SLC16A12: variants seen among roughly 807,000 people sequenced by gnomAD.
SLC16A12 encodes the protein solute carrier family 16 member 12.
SLC16A12 carries 17 observed loss-of-function variants against 42.4 expected under a neutral mutation model. The ratio of observed to expected loss-of-function variants is 0.40; its 90% CI spans 0.27 to 0.60. SLC16A12 has a LOEUF of 0.60. SLC16A12 is among the 20% of genes least tolerant of loss of function. The pLI, the probability that SLC16A12 is intolerant of heterozygous loss-of-function variation, is 0.42. For missense variants in SLC16A12, 544 were observed against 623.0 expected (o/e 0.87, Z 1.35); for synonymous variants, 224 against 229.4 (o/e 0.98, Z 0.21).
intron 2 of SLC16A12, among the ~76,000 whole-genome samples, chr10:89,490,250 G>T (rs72816729): frequency 0.071 from 10,846 of 152,226 alleles, 524 homozygotes; most frequent in East Asian, 0.21. Context: ...CCTGGAGGAG[G>T]TCATGTCGGT....
intron 2 of SLC16A12, among the ~76,000 whole-genome samples, chr10:89,477,130 T>C (rs770655420): frequency 1.3e-5 from 2 of 152,220 alleles, no homozygotes; most frequent in Non-Finnish European, 2.9e-5. Flanking sequence ...TTTGTTCCTA[T>C]CCTGATAGAA....
rs1026228159 is a variant in SLC16A12, at chr10:89,430,836, A to C, written c.*2228T>G. ...ATTATATTGCAGAACCACATAAACAAAATTTTGTTGTGATCATGATAAAAA... is the reference window on the plus strand; with the variant it reads ...ATTATATTGCAGAACCACATAAACACAATTTTGTTGTGATCATGATAAAAA... On this transcript the variant is annotated 3_prime_UTR_variant, in exon 8 of 8. Coordinates refer to ENST00000371790, the MANE Select transcript of SLC16A12 (RefSeq NM_213606.4). The C allele has an allele frequency of 5.0e-6, 2 of 396,934 alleles. No homozygotes were observed. Among genetic ancestry groups the C allele is most frequent in the African/African-American group, 4.2e-5 (2 of 47,086 alleles). The allele number at this position is 396,934 out of a possible 1,614,324, so 24.6% of individuals were successfully genotyped here.
chr10:89,512,154 G>C (rs1843171542), intron 2 of SLC16A12, among the ~76,000 whole-genome samples: 1 of 151,978 alleles, frequency 6.6e-6, no homozygotes, highest in Admixed American at 6.5e-5. Context: ...CTGACGGAGA[G>C]CAGAAAGGGG....
At chr10:89,520,720 CA>C (rs10712043) in intron 2 of SLC16A12, among the ~76,000 whole-genome samples, 27,003 of 99,852 alleles carry the variant, frequency 0.27, 2,360 homozygotes, top group Middle Eastern at 0.36. Context: ...TCACATAGGC[CA>C]AAAAAAAAAA....
intron 2 of SLC16A12, among the ~76,000 whole-genome samples, chr10:89,471,771 G>C (rs187379314): frequency 6.6e-6 from 1 of 152,126 alleles, no homozygotes; most frequent in African/African-American, 2.4e-5. Context: ...CAATTGCTTC[G>C]CAACTTTGGC....
At chr10:89,535,298 C>G (rs1447471571) in intron 1 of SLC16A12, 144 bp downstream of exon 1, 1 of 152,280 alleles carries the variant, frequency 6.6e-6, no homozygotes, top group Non-Finnish European at 1.5e-5. Context: ...CGCGCCGACG[C>G]ACCCAAGTTA....
chr10:89,468,637 T>A (rs948288978), intron 2 of SLC16A12, among the ~76,000 whole-genome samples: 1 of 152,214 alleles, frequency 6.6e-6, no homozygotes, highest in Non-Finnish European at 1.5e-5. Flanking sequence ...AAACAACGCA[T>A]GTGAGTTTCT....
chr10:89,436,136 GGTCCCC>G lies in SLC16A12; in HGVS notation c.1206_1211del (p.Gly403_Thr404del). 1 of 1,614,024 alleles carries G rather than the reference GGTCCCC, an allele frequency of 6.2e-7. No homozygotes were observed. ...CACCAAGCGCTGATGACAAAGAGGTGGTCCCCACTATCTCTGTGGTCACTACTGGGA... is the reference window on the plus strand; with the variant it reads ...CACCAAGCGCTGATGACAAAGAGGTGACTATCTCTGTGGTCACTACTGGGA... On this transcript the variant is annotated inframe_deletion, in exon 7 of 8. Coordinates refer to ENST00000371790, the MANE Select transcript of SLC16A12 (RefSeq NM_213606.4).
chr10:89,503,209 G>A (rs918207242), intron 2 of SLC16A12, among the ~76,000 whole-genome samples: 6 of 152,064 alleles, frequency 3.9e-5, no homozygotes, highest in South Asian at 2.1e-4. Context: ...TCTTTTTCAC[G>A]TTATTTTTCT....
In SLC16A12 at chr10:89,436,201, A is replaced by G. The variant is rs147676931; in HGVS notation, c.1147T>C (p.Phe383Leu). 5 of 1,614,062 alleles carry G rather than the reference A, an allele frequency of 3.1e-6. No individual in the cohort carries two copies. In the African/African-American group the frequency reaches 4.0e-5, roughly 13 times the overall value. Residue 383 changes from phenylalanine to leucine, a missense_variant, in exon 7 of 8, where the codon TTT becomes CTT. Phe to Leu is a conservative substitution (Grantham distance 22). Coordinates refer to ENST00000371790, the MANE Select transcript of SLC16A12 (RefSeq NM_213606.4). ...ACATAGGCACCATCAAAGTAGCCAA[A>G]GGTACAAGAGAAAGGCACGAGCAGA... is the stretch of plus-strand genomic sequence containing the variant. ...LPLLVPFSCTFGYFDGAYVTL... is the reference protein window; with the variant it reads ...LPLLVPFSCTLGYFDGAYVTL...
intron 2 of SLC16A12, among the ~76,000 whole-genome samples, chr10:89,507,521 G>A (rs920059162): frequency 1.3e-5 from 2 of 152,266 alleles, no homozygotes; most frequent in Middle Eastern, 3.4e-3. Flanking sequence ...GACAAGCAAA[G>A]GCTGAGAGAT....
At chr10:89,471,151 C>T (rs1316943299) in intron 2 of SLC16A12, among the ~76,000 whole-genome samples, 3 of 152,220 alleles carry the variant, frequency 2.0e-5, no homozygotes. Flanking sequence ...TTTAAGCCTA[C>T]ATTTCAGAGT....
At chr10:89,529,643 G>A (rs1843509649) in intron 2 of SLC16A12, among the ~76,000 whole-genome samples, 1 of 151,604 alleles carries the variant, frequency 6.6e-6, no homozygotes, top group Admixed American at 6.6e-5. Context: ...CACCTCCCAG[G>A]TTCAAGCCAT....
At chr10:89,516,844 A>G (rs761399053) in intron 2 of SLC16A12, among the ~76,000 whole-genome samples, 2 of 152,242 alleles carry the variant, frequency 1.3e-5, no homozygotes, top group African/African-American at 2.4e-5. Context: ...CACTAAATCC[A>G]TAGTAAGCAA....
chr10:89,443,930 T>A (rs1841957120), intron 3 of SLC16A12, 71 bp from the exon 4 acceptor site: 1 of 956,628 alleles, frequency 1.0e-6, no homozygotes, highest in South Asian at 1.3e-5. Context: ...ACTTAAAATG[T>A]TTGGTTCAAT....
In SLC16A12 at chr10:89,552,912, A is replaced by G. The variant is rs76598069; in HGVS notation, c.-47+2970T>C. On this transcript the variant is annotated intron_variant, in intron 2 of 2. Transcript: ENST00000475682. ...TGCTACCAAAATGTTTTTATTCCCA[A>G]GTTCCAAAAAATGACCATTGAAATG... 2.9e-3 allele frequency among the ~76,000 whole-genome samples: 440 copies of G among 152,346 alleles called. 2 individuals are homozygous for G. The highest frequency in any genetic ancestry group is 0.01 in the African/African-American group (419 of 41,592).
At chr10:89,448,546 A>G (rs914922220) in intron 3 of SLC16A12, among the ~76,000 whole-genome samples, 4 of 152,228 alleles carry the variant, frequency 2.6e-5, no homozygotes, top group Non-Finnish European at 4.4e-5. Flanking sequence ...GCCTTTGACA[A>G]AATTCAACAT....
intron 2 of SLC16A12, among the ~76,000 whole-genome samples, chr10:89,528,130 G>A (rs1291546104): frequency 6.6e-6 from 1 of 152,036 alleles, no homozygotes; most frequent in Non-Finnish European, 1.5e-5. Context: ...GAGCCTGGGA[G>A]GTCGAGGCTG....
chr10:89,446,921 A>C (rs1178857375), intron 3 of SLC16A12, among the ~76,000 whole-genome samples: 1 of 152,170 alleles, frequency 6.6e-6, no homozygotes, highest in Non-Finnish European at 1.5e-5. Context: ...AGATCTACCA[A>C]GCAAATGGAA....
Sources: allele counts gnomAD v4.1 joint callset (sites outside exome capture counted in the v4.1 genomes callset), GRCh38; gene constraint gnomAD v4.1.1; transcripts MANE v1.5; gene names NCBI Gene and HGNC (gene_info 2026-07-23, HGNC 2026-07-21).